The following IFT80 variants were observed in gnomAD, a reference collection of about 807,000 sequenced individuals.
IFT80 encodes intraflagellar transport 80, also known as intraflagellar transport protein 80 homolog.
In IFT80, 79 loss-of-function variants were observed where a neutral mutation model predicts 107.9. The observed-to-expected ratio is 0.73, with a 90% CI of 0.61 to 0.88. IFT80 has a LOEUF of 0.88. IFT80 is among the 40% of genes least tolerant of loss of function. The pLI is 0.00. For synonymous variants in IFT80, 299 were observed against 300.9 expected (o/e 0.99, Z 0.07); for missense variants, 797 against 914.2 (o/e 0.87, Z 1.65).
rs75292333 is a variant in IFT80 at position 160,295,569 on chromosome 3, A to G, written c.1315+5314T>C. ...CTGCAGTGGAGCACCAGTGCACTCT[A>G]GCCTGGGTGAAAGAGTGAGACCCCA... On this transcript the variant is annotated intron_variant, in intron 12 of 19. Transcript: ENST00000326448. Among the ~76,000 whole-genome samples the G allele has an allele frequency of 3.2e-3, 491 of 152,230 alleles. 1 individual carries two copies. The highest frequency in any genetic ancestry group is 0.011 in the African/African-American group (459 of 41,548).
intron 12 of IFT80, among the ~76,000 whole-genome samples, chr3:160,294,280 G>A (rs6764227): frequency 0.043 from 6,610 of 152,096 alleles, 455 homozygotes; most frequent in African/African-American, 0.14. Context: ...GTGCAGTGGC[G>A]TGATCTCAGC....
intron 12 of IFT80, among the ~76,000 whole-genome samples, chr3:160,297,645 T>C (rs1716090630): frequency 1.3e-5 from 2 of 152,100 alleles, no homozygotes. Flanking sequence ...AATACTATAA[T>C]AGAATTTTTA....
chr3:160,392,470 A>AT (rs947763463), intron 1 of IFT80, among the ~76,000 whole-genome samples: 2 of 152,170 alleles, frequency 1.3e-5, no homozygotes, highest in African/African-American at 4.8e-5. Flanking sequence ...CAAAACCGTG[A>AT]TTTTCCCTTC....
intron 18 of IFT80, among the ~76,000 whole-genome samples, chr3:160,274,037 C>T (rs1398599809): frequency 6.6e-6 from 1 of 152,110 alleles, no homozygotes; most frequent in East Asian, 1.9e-4. Context: ...GAGAAGGTCC[C>T]TTACTGAGAA....
chr3:160,310,918 G>A (rs963680083), intron 9 of IFT80, among the ~76,000 whole-genome samples: 3 of 152,014 alleles, frequency 2.0e-5, no homozygotes, highest in Non-Finnish European at 2.9e-5. Flanking sequence ...GGCAGAGTTC[G>A]AAACCAGCCC....
At position 160,377,484 on chromosome 3, in the gene IFT80, A is replaced by G. The variant is rs1204274511; in HGVS notation, c.316T>C (p.Cys106Arg). 2 of 1,611,838 alleles carry G rather than the reference A, an allele frequency of 1.2e-6. No homozygotes were observed. The highest frequency in any genetic ancestry group is 1.7e-5 in the Admixed American group (1 of 59,936). Residue 106 changes from cysteine to arginine, a missense_variant, in exon 4 of 20, where the codon TGT becomes CGT. Coordinates refer to ENST00000326448, the MANE Select transcript of IFT80 (RefSeq NM_020800.3). Reference sequence around the variant, plus strand: ...CATCTTCCTGCAAGTACTGCTCCACAGTGAGCTTCTACACTTTTTTCCACT... The same window carrying G: ...CATCTTCCTGCAAGTACTGCTCCACGGTGAGCTTCTACACTTTTTTCCACT... Reference protein sequence around the residue: ...GRVEKSVEAHCGAVLAGRWNY... With the variant: ...GRVEKSVEAHRGAVLAGRWNY...
intron 6 of IFT80, among the ~76,000 whole-genome samples, chr3:160,358,974 T>G (rs1469353055): frequency 2.0e-5 from 3 of 152,152 alleles, no homozygotes; most frequent in Non-Finnish European, 4.4e-5. Flanking sequence ...AAATAAAAAT[T>G]TCCTCACTAT....
intron 1 of IFT80, among the ~76,000 whole-genome samples, chr3:160,385,139 G>A (rs987481658): frequency 6.6e-6 from 1 of 152,142 alleles, no homozygotes; most frequent in Non-Finnish European, 1.5e-5. Flanking sequence ...CAACAGTTAC[G>A]GTTACCACAG....
At chr3:160,397,737 T>TTTTTTTG (rs1350153504) in intron 1 of IFT80, among the ~76,000 whole-genome samples, 1 of 148,836 alleles carries the variant, frequency 6.7e-6, no homozygotes, top group African/African-American at 2.5e-5. Flanking sequence ...TTTTTTTTTT[T>TTTTTTTG]TGAGACGCAG....
At chr3:160,282,975 A>T (rs181524950) in intron 13 of IFT80, among the ~76,000 whole-genome samples, 371 of 152,322 alleles carry the variant, frequency 2.4e-3, no homozygotes, top group Non-Finnish European at 4.2e-3. Flanking sequence ...TTGATTAATA[A>T]GTTGCCTAAC....
chr3:160,286,058 C>G (rs1481769122), intron 12 of IFT80, among the ~76,000 whole-genome samples, 190 bp from the exon 13 acceptor site: 1 of 151,986 alleles, frequency 6.6e-6, no homozygotes, highest in Non-Finnish European at 1.5e-5. Context: ...AATACTTCTT[C>G]CTAAAACACA....
At chr3:160,301,218 G>A (rs1305778183) in intron 11 of IFT80, among the ~76,000 whole-genome samples, 172 bp from the exon 12 acceptor site, 3 of 151,952 alleles carry the variant, frequency 2.0e-5, no homozygotes, top group Non-Finnish European at 4.4e-5. Flanking sequence ...AGCATTGGTT[G>A]TTTTGGTTTG....
At chr3:160,375,911 T>A (rs774337728) in intron 4 of IFT80, 31 bp from the exon 5 acceptor site, 1 of 1,365,842 alleles carries the variant, frequency 7.3e-7, no homozygotes, top group East Asian at 2.4e-5. Flanking sequence ...TAATCAGTAT[T>A]TTTACCTATA....
chr3:160,272,310 G>A (rs562857087), intron 18 of IFT80, among the ~76,000 whole-genome samples: 23 of 152,228 alleles, frequency 1.5e-4, no homozygotes, highest in Admixed American at 7.8e-4. Context: ...TTGAAGGTAT[G>A]ACTGCAATAT....
chr3:160,356,002 C>G lies in IFT80; in HGVS notation c.777+11G>C, dbSNP rs768065950. On this transcript the variant is annotated intron_variant, in intron 8 of 19. Coordinates refer to ENST00000326448, the MANE Select transcript of IFT80 (RefSeq NM_020800.3). ...ACAGCACATCTGTGATTGCTCACCA[C>G]TATAACTTACCCCAGTTTTATCACA... 1 of 1,613,842 alleles carries G rather than the reference C, an allele frequency of 6.2e-7. No individual in the cohort carries two copies. The highest frequency in any genetic ancestry group is 8.5e-7 in the Non-Finnish European group (1 of 1,179,798).
chr3:160,398,322 G>C (rs1055465023), intron 1 of IFT80, among the ~76,000 whole-genome samples: 11 of 151,996 alleles, frequency 7.2e-5, no homozygotes, highest in African/African-American at 2.4e-4. Context: ...AATGTATTTA[G>C]AGTGATCATG....
intron 12 of IFT80, among the ~76,000 whole-genome samples, chr3:160,298,178 T>C (rs1716137550): frequency 6.6e-6 from 1 of 152,024 alleles, no homozygotes; most frequent in Admixed American, 6.6e-5. Flanking sequence ...GACACAAAAA[T>C]AAAGAAGCTC....
intron 6 of IFT80, among the ~76,000 whole-genome samples, chr3:160,359,907 T>C (rs924075975): frequency 4.0e-5 from 6 of 151,578 alleles, no homozygotes; most frequent in Non-Finnish European, 8.8e-5. Flanking sequence ...GAAACCAGAG[T>C]AGAAAAGCTG....
At chr3:160,302,379 A>G (rs1247359109) in intron 11 of IFT80, among the ~76,000 whole-genome samples, 1 of 152,054 alleles carries the variant, frequency 6.6e-6, no homozygotes, top group Non-Finnish European at 1.5e-5. Context: ...GGTCATACAT[A>G]TTGGTTTATG....
Sources: gnomAD v4.1 joint callset for allele counts (sites outside exome capture counted in the v4.1 genomes callset) on GRCh38, gnomAD v4.1.1 for gene constraint, MANE v1.5 for transcripts, NCBI Gene and HGNC (gene_info 2026-07-23, HGNC 2026-07-21) for gene names.